Variants in BMPR1A observed in about 807,000 individuals in gnomAD.
BMPR1A encodes bone morphogenetic protein receptor type-1A.
In BMPR1A, 7 loss-of-function variants were observed where a neutral mutation model predicts 66.0. The ratio of observed to expected loss-of-function variants is 0.11; its 90% CI spans 0.06 to 0.20. The LOEUF (loss-of-function observed/expected upper bound fraction) is 0.20. Among genes scored for constraint, BMPR1A ranks in the 10% least tolerant of loss-of-function variants. The pLI is 1.00. For synonymous variants in BMPR1A, 200 were observed against 229.7 expected (o/e 0.87, Z 1.17); for missense variants, 408 against 669.1 (o/e 0.61, Z 4.31).
At chr10:86,904,181 G>A (rs1843351345) in intron 7 of BMPR1A, among the ~76,000 whole-genome samples, 1 of 152,220 alleles carries the variant, frequency 6.6e-6, no homozygotes, top group Non-Finnish European at 1.5e-5. Flanking sequence ...TGGGACTATA[G>A]GCGTGAGCCA....
chr10:86,816,716 A>G (rs1345079935), intron 1 of BMPR1A, among the ~76,000 whole-genome samples: 2 of 152,246 alleles, frequency 1.3e-5, no homozygotes, highest in Admixed American at 6.5e-5. Flanking sequence ...AAAGAGATCA[A>G]CAGAGCCCGA....
At chr10:86,879,317 T>A (rs1282206991) in intron 3 of BMPR1A, among the ~76,000 whole-genome samples, 1 of 152,188 alleles carries the variant, frequency 6.6e-6, no homozygotes, top group East Asian at 1.9e-4. Context: ...ACTCACTTCC[T>A]CTCCCCAACA....
At chr10:86,826,421 C>A (rs925784064) in intron 1 of BMPR1A, among the ~76,000 whole-genome samples, 1 of 151,640 alleles carries the variant, frequency 6.6e-6, no homozygotes, top group Non-Finnish European at 1.5e-5. Flanking sequence ...AACACACACA[C>A]ACACACACAC....
Position 86,760,399 on chromosome 10 carries a change from G to A in BMPR1A, c.-268+3480G>A, listed in dbSNP as rs1011169530. ...CTCCCAGGTAGCTGGGACCACGCCT[G>A]GCTAATTTTTGTATTTTTAGTAGAG... On this transcript the variant is annotated intron_variant, in intron 1 of 12. Transcript: ENST00000372037. Among the ~76,000 whole-genome samples, 5 of 151,366 alleles carry A rather than the reference G, an allele frequency of 3.3e-5. No homozygotes were observed. In the East Asian group the frequency reaches 9.7e-4, roughly 29 times the overall value.
intron 1 of BMPR1A, among the ~76,000 whole-genome samples, chr10:86,777,916 G>T (rs1476707579): frequency 6.6e-6 from 1 of 151,796 alleles, no homozygotes; most frequent in Admixed American, 6.6e-5. Flanking sequence ...GGGATGCTGA[G>T]GCAGGAGAAT....
chr10:86,867,975 A>G (rs977727898), intron 2 of BMPR1A, among the ~76,000 whole-genome samples: 1 of 152,022 alleles, frequency 6.6e-6, no homozygotes, highest in African/African-American at 2.4e-5. Context: ...AGCATGGGGG[A>G]AAGGTAGAGT....
chr10:86,910,489 G>A (rs1333233360), intron 7 of BMPR1A, among the ~76,000 whole-genome samples: 6 of 152,106 alleles, frequency 3.9e-5, no homozygotes, highest in Admixed American at 2.6e-4. Context: ...GATGCAGAAC[G>A]GCATCAGTGT....
At chr10:86,822,005 G>A (rs909985809) in intron 1 of BMPR1A, among the ~76,000 whole-genome samples, 1 of 151,962 alleles carries the variant, frequency 6.6e-6, no homozygotes, top group Non-Finnish European at 1.5e-5. Flanking sequence ...GTTTTACCAC[G>A]TTCCTAGGCT....
At chr10:86,900,384 A>G (rs1465506754) in intron 7 of BMPR1A, among the ~76,000 whole-genome samples, 4 of 149,756 alleles carry the variant, frequency 2.7e-5, no homozygotes, top group African/African-American at 9.8e-5. Flanking sequence ...TGGCATCTGA[A>G]TGTTTTCGAT....
chr10:86,773,850 C>T (rs11596301), intron 1 of BMPR1A, among the ~76,000 whole-genome samples: 1 of 148,508 alleles, frequency 6.7e-6, no homozygotes, highest in Non-Finnish European at 1.5e-5. Context: ...GCATGTATTT[C>T]ATTCTTTTTT....
downstream of BMPR1A, chr10:86,928,495 C>CGTAA (rs1843778289): frequency 6.6e-6 from 1 of 151,014 alleles, no homozygotes; most frequent in African/African-American, 2.4e-5. Context: ...AAGTGCTGAG[C>CGTAA]TTACAGGCAT....
At chr10:86,912,457 A>G in intron 8 of BMPR1A, 73 bp downstream of exon 8, 2 of 1,555,010 alleles carry the variant, frequency 1.3e-6, no homozygotes, top group Non-Finnish European at 1.8e-6. Context: ...TGGACAGTAT[A>G]ATTATTGCAG....
At chr10:86,890,541 AC>A (rs1843133373) in intron 4 of BMPR1A, among the ~76,000 whole-genome samples, 2 of 152,188 alleles carry the variant, frequency 1.3e-5, no homozygotes, top group African/African-American at 4.8e-5. Flanking sequence ...CTTAGAGGTT[AC>A]CAAAAAAGAA....
At chr10:86,798,008 T>C (rs1761486012) in intron 1 of BMPR1A, among the ~76,000 whole-genome samples, 1 of 152,194 alleles carries the variant, frequency 6.6e-6, no homozygotes, top group Non-Finnish European at 1.5e-5. Context: ...CTTAAGACTG[T>C]GTTCAAAACT....
At chr10:86,811,525 A>G (rs1204966895) in intron 1 of BMPR1A, among the ~76,000 whole-genome samples, 1 of 151,814 alleles carries the variant, frequency 6.6e-6, no homozygotes, top group African/African-American at 2.4e-5. Context: ...TATGGTCTGG[A>G]TTTTTCTAAT....
At position 86,919,350 on chromosome 10, in the gene BMPR1A, T is replaced by C. The variant is rs2133592176; in HGVS notation, c.1047T>C (p.Ile349=). 6.2e-7 allele frequency: 1 copy of C among 1,613,386 alleles called. No homozygotes were observed. Among genetic ancestry groups the C allele is most frequent in the Non-Finnish European group, 8.5e-7 (1 of 1,179,854 alleles). Residue 349 remains isoleucine, a synonymous_variant, in exon 10 of 13, where the codon ATT becomes ATC. Coordinates refer to ENST00000372037, the MANE Select transcript of BMPR1A (RefSeq NM_004329.3). The stretch of plus-strand genomic sequence containing the variant: ...GTCTGTGCCACCTGCACACAGAAAT[T>C]TATGGCACCCAAGGAAAGCCCGCAA... ...ACGLCHLHTE[I]YGTQGKPAIA...
chr10:86,899,718 A>G (rs1843277961), intron 5 of BMPR1A, 76 bp from the exon 6 acceptor site: 1 of 1,426,186 alleles, frequency 7.0e-7, no homozygotes, highest in South Asian at 1.2e-5. Flanking sequence ...TAGAAATTGT[A>G]TTTTATGAAT....
chr10:86,789,465 C>T (rs952609582), intron 1 of BMPR1A, among the ~76,000 whole-genome samples: 1 of 152,084 alleles, frequency 6.6e-6, no homozygotes, highest in African/African-American at 2.4e-5. Context: ...GTAATTCCAG[C>T]ACTTTGGGAG....
At chr10:86,803,876 A>G (rs1020853230) in intron 1 of BMPR1A, among the ~76,000 whole-genome samples, 1 of 152,198 alleles carries the variant, frequency 6.6e-6, no homozygotes, top group African/African-American at 2.4e-5. Flanking sequence ...GGAGAGGACT[A>G]CCATCTTTAC....
Sources: allele counts gnomAD v4.1 joint callset (sites outside exome capture counted in the v4.1 genomes callset), GRCh38; gene constraint gnomAD v4.1.1; transcripts MANE v1.5; gene names NCBI Gene and HGNC (gene_info 2026-07-23, HGNC 2026-07-21).